The following NCKAP1 variants were observed in gnomAD, a reference collection of about 807,000 sequenced individuals.
NCKAP1 encodes NCK associated protein 1.
In NCKAP1, 21 loss-of-function variants were observed where a neutral mutation model predicts 151.2. The observed-to-expected ratio is 0.14, with a 90% CI of 0.10 to 0.20. The LOEUF is 0.20. Ranked by LOEUF, NCKAP1 falls within the 10% of genes least tolerant of loss-of-function variation. The pLI is 1.00. For missense variants in NCKAP1, 933 were observed against 1,352.1 expected (o/e 0.69, Z 4.86); for synonymous variants, 484 against 451.8 (o/e 1.07, Z -0.90).
intron 2 of NCKAP1, among the ~76,000 whole-genome samples, chr2:183,018,684 C>T (rs1698741262): frequency 6.6e-6 from 1 of 152,092 alleles, no homozygotes; most frequent in Admixed American, 6.5e-5. Context: ...ACATTAACTC[C>T]ATAACTTTTA....
At chr2:182,933,602 G>C (rs929895242) in intron 26 of NCKAP1, among the ~76,000 whole-genome samples, 2 of 151,466 alleles carry the variant, frequency 1.3e-5, no homozygotes, top group African/African-American at 4.9e-5. Flanking sequence ...CATGTTGGTC[G>C]GGCTGGTCTC....
In NCKAP1 at chr2:182,923,694, G is replaced by A. The variant is rs1038106504; in HGVS notation, c.*2008C>T. ...GTATGTATGGTATGATCACATTAAT[G>A]TAGAGAAAACAACAAAAATAGTATG... On this transcript the variant is annotated 3_prime_UTR_variant, in exon 31 of 31. Coordinates refer to ENST00000361354, the MANE Select transcript of NCKAP1 (RefSeq NM_013436.5). 1 of 152,194 alleles carries A rather than the reference G, an allele frequency of 6.6e-6. No individual in the cohort carries two copies. Among genetic ancestry groups the A allele is most frequent in the African/African-American group, 2.4e-5 (1 of 41,458 alleles). 9.4% of individuals were successfully genotyped at this position (152,194 alleles called of 1,614,324 possible).
rs746509157 is a variant in NCKAP1 at position 183,003,217 on chromosome 2, A to G, written c.312+16T>C. On this transcript the variant is annotated intron_variant, in intron 3 of 30. Transcript: ENST00000361354. ...CTACTTCTGAAGTGTTAAATATTAT[A>G]TATTAAAATACATACCTTAAATTCC... 7.2e-7 allele frequency: 1 copy of G among 1,379,426 alleles called. No individual in the cohort carries two copies. Among genetic ancestry groups the G allele is most frequent in the Non-Finnish European group, 1.0e-6 (1 of 996,206 alleles). The allele number at this position is 1,379,426 out of a possible 1,614,324, so 85.4% of individuals were successfully genotyped here. A position where few individuals can be genotyped will look rare whatever the true frequency, so the allele number is the denominator to read the frequency against.
intron 19 of NCKAP1, 80 bp downstream of exon 19, chr2:182,957,377 C>T (rs994867616): frequency 3.0e-6 from 4 of 1,337,970 alleles, no homozygotes; most frequent in Admixed American, 2.6e-5. Context: ...TTAGCATTTC[C>T]TCAGTACTAA....
intron 6 of NCKAP1, among the ~76,000 whole-genome samples, chr2:183,001,210 T>C (rs1698367963): frequency 6.6e-6 from 1 of 152,226 alleles, no homozygotes; most frequent in South Asian, 2.1e-4. Context: ...TTTGCCACTA[T>C]TGTTACCAAA....
At position 182,921,701 on chromosome 2, in the gene NCKAP1, A is replaced by G. The variant is rs1351447471; in HGVS notation, c.*4001T>C. On this transcript the variant is annotated 3_prime_UTR_variant, in exon 31 of 31. Transcript: ENST00000361354. ...TCCCATTTTACTTAGGCCCAAAATGACAGGCTGAATACTTTTATTGGAAAT... is the reference window on the plus strand; with the variant it reads ...TCCCATTTTACTTAGGCCCAAAATGGCAGGCTGAATACTTTTATTGGAAAT... 2 of 152,232 alleles carry G rather than the reference A, an allele frequency of 1.3e-5. No individual in the cohort carries two copies. Among genetic ancestry groups the G allele is most frequent in the Non-Finnish European group, 2.9e-5 (2 of 68,040 alleles). 9.4% of individuals were successfully genotyped at this position (152,232 alleles called of 1,614,324 possible).
intron 29 of NCKAP1, chr2:182,927,230 T>A (rs548613037): frequency 2.8e-4 from 49 of 174,180 alleles, no homozygotes; most frequent in African/African-American, 1.1e-3. Context: ...CTGACTATAT[T>A]TCTTAGTTCC....
intron 15 of NCKAP1, among the ~76,000 whole-genome samples, chr2:182,974,701 T>C (rs1290884101): frequency 6.6e-6 from 1 of 152,094 alleles, no homozygotes; most frequent in Non-Finnish European, 1.5e-5. Flanking sequence ...TGCCAACACC[T>C]TGCTTTCAGA....
intron 1 of NCKAP1, among the ~76,000 whole-genome samples, chr2:183,025,987 C>T (rs894757260): frequency 3.9e-5 from 6 of 152,150 alleles, no homozygotes; most frequent in South Asian, 4.1e-4. Flanking sequence ...TCACCATATC[C>T]ATTTCCCACA....
At position 183,020,481 on chromosome 2, in the gene NCKAP1, GA is replaced by G. The variant is rs66675111; in HGVS notation, c.219+3324del. On this transcript the variant is annotated intron_variant, in intron 2 of 30. Transcript: ENST00000361354. ...CCGTGTCCCAAAAAAAAAAAAAAAA[GA>G]AAAAAAAGAAAAAAAAATTTATTGC... Among the ~76,000 whole-genome samples the G allele has an allele frequency of 3.7e-4, 51 of 136,274 alleles. 1 individual carries two copies. The highest frequency in any genetic ancestry group is 3.8e-3 in the Middle Eastern group (1 of 262). The allele number at this position is 136,274 out of a possible 152,430, so 89.4% of individuals were successfully genotyped here.
rs1698716323 is a variant in NCKAP1, at chr2:183,017,546, TG to T, written c.219+6259del. ...GAAAGAGCTCAGGCAGTAATGTGAG[TG>T]ATGGGGAGTGGCTGTAAATACAGAT... On this transcript the variant is annotated intron_variant, in intron 2 of 30. Coordinates refer to ENST00000361354, the MANE Select transcript of NCKAP1 (RefSeq NM_013436.5). Among the ~76,000 whole-genome samples the T allele has an allele frequency of 2.0e-5, 3 of 151,986 alleles. No individual in the cohort carries two copies. In the East Asian group the frequency reaches 5.8e-4, roughly 29 times the overall value.
intron 7 of NCKAP1, 122 bp from the exon 8 acceptor site, chr2:182,995,009 C>G (rs921684457): frequency 2.7e-6 from 2 of 744,946 alleles, no homozygotes; most frequent in Admixed American, 5.3e-5. Flanking sequence ...AATACTACCA[C>G]AACAAATTTG....
rs1696451668 is a variant in NCKAP1 at position 182,915,407 on chromosome 2, C to T, written c.*10295G>A. 1 of 152,200 alleles carries T rather than the reference C, an allele frequency of 6.6e-6. No homozygotes were observed. The highest frequency in any genetic ancestry group is 6.5e-5 in the Admixed American group (1 of 15,280). 9.4% of individuals were successfully genotyped at this position (152,200 alleles called of 1,614,324 possible). On this transcript the variant is annotated 3_prime_UTR_variant, in exon 31 of 31. Transcript: ENST00000361354. The stretch of plus-strand genomic sequence containing the variant: ...TCACTTGCCAGCAACCCTTGGACCT[C>T]TGCAAGGATGTGACAGGAATAGCAC...
At chr2:182,983,643 C>T (rs184465261) in intron 10 of NCKAP1, among the ~76,000 whole-genome samples, 156 of 152,292 alleles carry the variant, frequency 1.0e-3, no homozygotes, top group Middle Eastern at 3.4e-3. Context: ...CAAGACCAGT[C>T]CTTCAAGAAG....
At chr2:182,975,422 T>C (rs555325657) in intron 15 of NCKAP1, among the ~76,000 whole-genome samples, 28 of 152,198 alleles carry the variant, frequency 1.8e-4, no homozygotes, top group African/African-American at 6.5e-4. Flanking sequence ...CTTATGCATT[T>C]TGAGGTTGGA....
At position 182,994,994 on chromosome 2, in the gene NCKAP1, G is replaced by A. The variant is rs911795757; in HGVS notation, c.742-107C>T. 12 of 834,566 alleles carry A rather than the reference G, an allele frequency of 1.4e-5. No individual in the cohort carries two copies. In the Admixed American group the frequency reaches 1.4e-4, roughly 10 times the overall value. The allele number at this position is 834,566 out of a possible 1,614,324, so 51.7% of individuals were successfully genotyped here. A position where few individuals can be genotyped will look rare whatever the true frequency, so the allele number is the denominator to read the frequency against. On this transcript the variant is annotated intron_variant, in intron 7 of 30. Coordinates refer to ENST00000361354, the MANE Select transcript of NCKAP1 (RefSeq NM_013436.5). The stretch of plus-strand genomic sequence containing the variant: ...CTGATAACTTACTACCCAATTCTTC[G>A]CCCAAATACTACCACAACAAATTTG...
intron 10 of NCKAP1, among the ~76,000 whole-genome samples, chr2:182,984,276 T>C (rs1468927507): frequency 2.0e-5 from 3 of 152,090 alleles, no homozygotes; most frequent in Admixed American, 6.6e-5. Context: ...TAATCATAAA[T>C]ATTCATATAC....
chr2:182,987,736 C>T (rs1698085174), intron 9 of NCKAP1, among the ~76,000 whole-genome samples: 2 of 152,086 alleles, frequency 1.3e-5, no homozygotes, highest in South Asian at 4.1e-4. Flanking sequence ...GCCCATCTTG[C>T]ACATAATATT....
intron 8 of NCKAP1, among the ~76,000 whole-genome samples, chr2:182,993,179 T>C (rs1480625112): frequency 2.0e-5 from 3 of 152,194 alleles, no homozygotes; most frequent in African/African-American, 4.8e-5. Context: ...CTGCATAATT[T>C]AAATCACCTC....
Sources: allele counts gnomAD v4.1 joint callset (sites outside exome capture counted in the v4.1 genomes callset), GRCh38; gene constraint gnomAD v4.1.1; transcripts MANE v1.5; gene names NCBI Gene and HGNC (gene_info 2026-07-23, HGNC 2026-07-21).